Variants in PTPRM observed in about 807,000 individuals in gnomAD.
The protein encoded by PTPRM is protein tyrosine phosphatase receptor type M, also known as receptor-type tyrosine-protein phosphatase mu.
PTPRM carries 47 observed loss-of-function variants against 186.7 expected under a neutral mutation model. The ratio of observed to expected loss-of-function variants is 0.25; its 90% CI spans 0.20 to 0.32. The LOEUF (loss-of-function observed/expected upper bound fraction) is 0.32, where lower values mean the gene tolerates loss of function less well. Ranked by LOEUF, PTPRM falls within the 10% of genes least tolerant of loss-of-function variation. The pLI, the probability that PTPRM is intolerant of heterozygous loss-of-function variation, is 1.00. For missense variants in PTPRM, 1,494 were observed against 1,865.0 expected (o/e 0.80, Z 3.66); for synonymous variants, 668 against 674.9 (o/e 0.99, Z 0.16).
chr18:8,223,639 T>C (rs771299580), intron 14 of PTPRM, among the ~76,000 whole-genome samples: 6 of 152,132 alleles, frequency 3.9e-5, no homozygotes, highest in Non-Finnish European at 8.8e-5. Context: ...AAAAAGAAAT[T>C]TGCACCTGAT....
At chr18:8,000,639 G>A (rs1435656861) in intron 7 of PTPRM, among the ~76,000 whole-genome samples, 2 of 152,098 alleles carry the variant, frequency 1.3e-5, no homozygotes, top group South Asian at 2.1e-4. Context: ...TTATGTTCAC[G>A]GACATTAGTC....
At position 7,662,309 on chromosome 18, in the gene PTPRM, C is replaced by A. The variant is rs562211888; in HGVS notation, c.73+94418C>A. Among the ~76,000 whole-genome samples the A allele has an allele frequency of 5.3e-5, 8 of 152,228 alleles. No individual in the cohort carries two copies. In the East Asian group the frequency reaches 1.5e-3, roughly 29 times the overall value. On this transcript the variant is annotated intron_variant, in intron 1 of 32. Coordinates refer to ENST00000580170, the MANE Select transcript of PTPRM (RefSeq NM_001105244.2). ...ACAATAGCCAAGATTTGGAAGCAAT[C>A]TAAGTGTGTATCAAGAGATGAATGG...
At chr18:8,292,922 G>C (rs2095057055) in intron 19 of PTPRM, among the ~76,000 whole-genome samples, 1 of 152,166 alleles carries the variant, frequency 6.6e-6, no homozygotes, top group Admixed American at 6.5e-5. Flanking sequence ...AGGTCATTGG[G>C]GTAAGAGTGG....
At chr18:8,347,913 T>TAATGA (rs2095513960) in intron 23 of PTPRM, among the ~76,000 whole-genome samples, 1 of 152,260 alleles carries the variant, frequency 6.6e-6, no homozygotes, top group Admixed American at 6.5e-5. Context: ...CTGACTTTAG[T>TAATGA]AATGAAATTA....
chr18:7,594,855 A>G (rs1453962925), intron 1 of PTPRM, among the ~76,000 whole-genome samples: 1 of 152,200 alleles, frequency 6.6e-6, no homozygotes, highest in Non-Finnish European at 1.5e-5. Context: ...ATGATGTATA[A>G]CTGATTTGAT....
At chr18:8,325,537 GTAC>G (rs760713621) in intron 22 of PTPRM, among the ~76,000 whole-genome samples, 10 of 152,072 alleles carry the variant, frequency 6.6e-5, no homozygotes, top group Non-Finnish European at 1.3e-4. Flanking sequence ...TGGTATATTT[GTAC>G]TACATTTTCT....
intron 7 of PTPRM, among the ~76,000 whole-genome samples, chr18:8,064,730 G>A (rs535576404): frequency 5.6e-4 from 86 of 152,268 alleles, no homozygotes; most frequent in African/African-American, 2.0e-3. Flanking sequence ...ACTCTGGAAA[G>A]CACTGACCAA....
intron 1 of PTPRM, among the ~76,000 whole-genome samples, chr18:7,763,184 G>A (rs757216424): frequency 2.0e-5 from 3 of 152,172 alleles, no homozygotes; most frequent in Non-Finnish European, 2.9e-5. Context: ...TTAGATTGGT[G>A]ATTTGGATTT....
rs746754070 is a variant in PTPRM at position 7,888,395 on chromosome 18, A to G, written c.468+18A>G. 1 of 1,551,452 alleles carries G rather than the reference A, an allele frequency of 6.4e-7. No homozygotes were observed. Among genetic ancestry groups the G allele is most frequent in the Admixed American group, 2.1e-5 (1 of 47,174 alleles). On this transcript the variant is annotated intron_variant, in intron 3 of 32. Coordinates refer to ENST00000580170, the MANE Select transcript of PTPRM (RefSeq NM_001105244.2). ...TTTATCAGGTATGTGCTTTCTTTTT[A>G]TTACATATTTTGAAGCATCCTCTAA...
chr18:7,748,065 C>T (rs970267187), intron 1 of PTPRM, among the ~76,000 whole-genome samples: 3 of 152,128 alleles, frequency 2.0e-5, no homozygotes, highest in African/African-American at 7.2e-5. Flanking sequence ...TATTTGGGTA[C>T]GTGGCCCCCC....
At chr18:8,146,998 C>T (rs2092902580) in intron 14 of PTPRM, among the ~76,000 whole-genome samples, 1 of 152,136 alleles carries the variant, frequency 6.6e-6, no homozygotes, top group African/African-American at 2.4e-5. Context: ...TGTTCTGTTC[C>T]ATTGGCCTAT....
chr18:7,575,159 A>T (rs1430583480), intron 1 of PTPRM, among the ~76,000 whole-genome samples: 1 of 152,238 alleles, frequency 6.6e-6, no homozygotes, highest in Non-Finnish European at 1.5e-5. Flanking sequence ...TCTGTCATTT[A>T]ACACTCCAGG....
At chr18:7,924,121 G>A (rs183263437) in intron 4 of PTPRM, among the ~76,000 whole-genome samples, 10 of 152,292 alleles carry the variant, frequency 6.6e-5, no homozygotes, top group East Asian at 1.9e-4. Flanking sequence ...GATTTGAAGC[G>A]TCTTCAGTGA....
chr18:7,997,828 A>G (rs1004510226), intron 7 of PTPRM, among the ~76,000 whole-genome samples: 6 of 152,228 alleles, frequency 3.9e-5, no homozygotes, highest in African/African-American at 1.2e-4. Context: ...CCACAGTGAG[A>G]TAACTTTTCA....
At chr18:7,655,589 A>T (rs1488968635) in intron 1 of PTPRM, among the ~76,000 whole-genome samples, 2 of 152,220 alleles carry the variant, frequency 1.3e-5, no homozygotes, top group Non-Finnish European at 2.9e-5. Flanking sequence ...AAAAATCTGC[A>T]CACATGGTTA....
intron 1 of PTPRM, among the ~76,000 whole-genome samples, chr18:7,709,217 A>T (rs2040160479): frequency 6.6e-6 from 1 of 152,178 alleles, no homozygotes; most frequent in African/African-American, 2.4e-5. Flanking sequence ...TTATCTTCTC[A>T]GACCACAGTG....
chr18:8,188,388 C>T (rs547628073), intron 14 of PTPRM, among the ~76,000 whole-genome samples: 1 of 152,316 alleles, frequency 6.6e-6, no homozygotes, highest in African/African-American at 2.4e-5. Context: ...GAAGCAAGCT[C>T]CCTGGGAAAT....
chr18:8,007,619 C>T (rs771088948), intron 7 of PTPRM, among the ~76,000 whole-genome samples: 4 of 152,106 alleles, frequency 2.6e-5, no homozygotes, highest in Non-Finnish European at 5.9e-5. Flanking sequence ...CTGTTCATCC[C>T]GATCTAACAA....
Position 8,281,076 on chromosome 18 carries a change from G to A in PTPRM, c.2755-15292G>A, listed in dbSNP as rs559377983. Among the ~76,000 whole-genome samples, 4 of 152,296 alleles carry A rather than the reference G, an allele frequency of 2.6e-5. No homozygotes were observed. The East Asian group carries it at 5.8e-4, about 22-fold the overall frequency. On this transcript the variant is annotated intron_variant, in intron 19 of 32. Coordinates refer to ENST00000580170, the MANE Select transcript of PTPRM (RefSeq NM_001105244.2). Reference sequence around the variant, plus strand: ...GAGCTGAGTTATAATGGTTACACCAGCTTTGCAAAGGAAGTGAAGGAAGGG... The same window carrying A: ...GAGCTGAGTTATAATGGTTACACCAACTTTGCAAAGGAAGTGAAGGAAGGG...
Sources: gnomAD v4.1 joint callset for allele counts (sites outside exome capture counted in the v4.1 genomes callset) on GRCh38, gnomAD v4.1.1 for gene constraint, MANE v1.5 for transcripts, NCBI Gene and HGNC (gene_info 2026-07-23, HGNC 2026-07-21) for gene names.